U2SURP: variants seen among roughly 807,000 people sequenced by gnomAD.
The protein encoded by U2SURP is U2 snRNP associated SURP domain containing.
In U2SURP, 9 loss-of-function variants were observed where a neutral mutation model predicts 144.9. The observed-to-expected ratio is 0.06, with a 90% CI of 0.04 to 0.11. U2SURP has a LOEUF of 0.11. Among genes scored for constraint, U2SURP ranks in the 10% least tolerant of loss-of-function variants. The probability of loss-of-function intolerance (pLI) is 1.00; values close to 1 mark genes in which losing one functional copy is unlikely to be tolerated. For missense variants in U2SURP, 724 were observed against 1,226.7 expected (o/e 0.59, Z 6.12); for synonymous variants, 408 against 396.8 (o/e 1.03, Z -0.33).
chr3:143,056,468 C>T lies in U2SURP; in HGVS notation c.*18C>T. Reference sequence around the variant, plus strand: ...AACACTGACGTAAATTTTTAAGATGCTGTCACTTATTGGAAATGCGATTTG... The same window carrying T: ...AACACTGACGTAAATTTTTAAGATGTTGTCACTTATTGGAAATGCGATTTG... On this transcript the variant is annotated 3_prime_UTR_variant, in exon 28 of 28. Transcript: ENST00000473835. 1 of 1,609,358 alleles carries T rather than the reference C, an allele frequency of 6.2e-7. No homozygotes were observed. Among genetic ancestry groups the T allele is most frequent in the East Asian group, 2.2e-5 (1 of 44,818 alleles).
At chr3:143,047,813 C>T (rs1345661755) in intron 24 of U2SURP, among the ~76,000 whole-genome samples, 1 of 105,604 alleles carries the variant, frequency 9.5e-6, no homozygotes, top group African/African-American at 3.6e-5. Flanking sequence ...TCCTCACTTC[C>T]CAGTAGGGGC....
At chr3:143,043,610 T>C (rs370824070) in intron 24 of U2SURP, among the ~76,000 whole-genome samples, 4 of 152,286 alleles carry the variant, frequency 2.6e-5, no homozygotes, top group African/African-American at 2.4e-5. Context: ...GGCTGCACTT[T>C]CCATGAAGGG....
intron 5 of U2SURP, 45 bp downstream of exon 5, chr3:143,016,416 C>T: frequency 2.6e-6 from 4 of 1,536,952 alleles, no homozygotes; most frequent in Non-Finnish European, 3.6e-6. Flanking sequence ...AACTGTATTA[C>T]AGTTTTTGAG....
chr3:143,004,399 T>C (rs1935715396), intron 1 of U2SURP, among the ~76,000 whole-genome samples: 1 of 133,634 alleles, frequency 7.5e-6, no homozygotes, highest in African/African-American at 2.9e-5. Flanking sequence ...AGTCTTGCCT[T>C]GTCGCCCAGG....
In U2SURP at chr3:143,012,300, A is replaced by T; in HGVS notation, c.169A>T (p.Asn57Tyr). 1 of 1,613,370 alleles carries T rather than the reference A, an allele frequency of 6.2e-7. No homozygotes were observed. Among genetic ancestry groups the T allele is most frequent in the Non-Finnish European group, 8.5e-7 (1 of 1,179,508 alleles). ...PKSPRKHNYR[N>Y]ESARESLCDS... ...GAGCCCAAGAAAACATAATTATAGGAATGAAAGTGCCCGTGAAAGCCTTTG... is the reference window on the plus strand; with the variant it reads ...GAGCCCAAGAAAACATAATTATAGGTATGAAAGTGCCCGTGAAAGCCTTTG... The change falls in exon 3 of 28, where the codon AAT becomes TAT. Residue 57 changes from asparagine to tyrosine, a missense_variant. Physicochemically the swap from Asn to Tyr is moderately radical, Grantham distance 143. Transcript: ENST00000473835.
intron 24 of U2SURP, among the ~76,000 whole-genome samples, chr3:143,045,100 G>T (rs569157283): frequency 6.6e-6 from 1 of 152,306 alleles, no homozygotes; most frequent in Admixed American, 6.5e-5. Flanking sequence ...GCCAGCTGCG[G>T]TGGCTCATGC....
At chr3:143,010,547 A>G (rs1936071026) in intron 1 of U2SURP, among the ~76,000 whole-genome samples, 2 of 152,232 alleles carry the variant, frequency 1.3e-5, no homozygotes, top group African/African-American at 2.4e-5. Flanking sequence ...TCCAGTGTAT[A>G]CTATAAAGAG....
At chr3:143,054,703 A>G (rs1485292044) in intron 26 of U2SURP, among the ~76,000 whole-genome samples, 25 of 152,230 alleles carry the variant, frequency 1.6e-4, no homozygotes, top group Non-Finnish European at 1.5e-5. Context: ...AGTTGTTTCA[A>G]TAACCTCTTA....
Position 143,016,739 on chromosome 3 carries a change from CT to C in U2SURP, c.437-101del, listed in dbSNP as rs1373987381. 3.9e-6 allele frequency: 4 copies of C among 1,032,258 alleles called. No individual in the cohort carries two copies. The African/African-American group carries it at 6.7e-5, about 17-fold the overall frequency. 63.9% of individuals were successfully genotyped at this position (1,032,258 alleles called of 1,614,324 possible). On this transcript the variant is annotated intron_variant, in intron 5 of 27. Transcript: ENST00000473835. ...TTCATATTTGTTAATAGTGATACAT[CT>C]TAATACTAAAAGCATTTTACTAATT...
chr3:143,017,214 ATATATTGCAAGTCAAAAATTGAC>A lies in U2SURP; in HGVS notation c.570+269_570+291del, dbSNP rs1470246327. The A allele has an allele frequency of 6.0e-4, 207 of 345,260 alleles. 1 individual carries two copies. The highest frequency in any genetic ancestry group is 7.2e-4 in the African/African-American group (34 of 47,168). The allele number at this position is 345,260 out of a possible 1,614,324, so 21.4% of individuals were successfully genotyped here. On this transcript the variant is annotated intron_variant, in intron 6 of 27. Transcript: ENST00000473835. ...TGAACATTTGCTATTTATGCTCATA[ATATATTGCAAGTCAAAAATTGAC>A]TATATTGCAAGTCAAAAATTGACTA... is the stretch of plus-strand genomic sequence containing the variant.
intron 23 of U2SURP, among the ~76,000 whole-genome samples, chr3:143,041,913 C>A (rs763447993): frequency 5.3e-5 from 8 of 151,762 alleles, no homozygotes; most frequent in Non-Finnish European, 1.2e-4. Context: ...TATAAACATT[C>A]TGAGTTTGTT....
chr3:143,049,265 C>CAAAAA (rs200930787), intron 24 of U2SURP, among the ~76,000 whole-genome samples: 13 of 81,520 alleles, frequency 1.6e-4, no homozygotes, highest in South Asian at 4.2e-4. Flanking sequence ...GACTCCATCT[C>CAAAAA]AAAAAAAAAA....
At chr3:143,051,336 C>CACATTTTGTGACAGTGAGACGCCAACA (rs1934842072) in intron 25 of U2SURP, among the ~76,000 whole-genome samples, 1 of 152,114 alleles carries the variant, frequency 6.6e-6, no homozygotes, top group Non-Finnish European at 1.5e-5. Context: ...CAGGACAAGT[C>CACATTTTGTGACAGTGAGACGCCAACA]ACATTTTGTG....
chr3:143,021,701 G>A (rs1936644951), intron 10 of U2SURP, 146 bp downstream of exon 10: 5 of 731,062 alleles, frequency 6.8e-6, no homozygotes, highest in Non-Finnish European at 1.1e-5. Flanking sequence ...TATGGCCCAG[G>A]TTGTCTTGCC....
intron 23 of U2SURP, among the ~76,000 whole-genome samples, chr3:143,042,166 G>T (rs984118070): frequency 6.6e-6 from 1 of 152,068 alleles, no homozygotes; most frequent in Non-Finnish European, 1.5e-5. Context: ...TGTATCCTAA[G>T]TGACTTACTC....
intron 16 of U2SURP, among the ~76,000 whole-genome samples, chr3:143,030,864 A>G (rs1294153280): frequency 6.6e-6 from 1 of 152,174 alleles, no homozygotes; most frequent in Non-Finnish European, 1.5e-5. Context: ...TGAGCAATAT[A>G]GTGAGACCCC....
intron 20 of U2SURP, chr3:143,036,962 A>C (rs1251556547): frequency 2.0e-6 from 1 of 510,652 alleles, no homozygotes; most frequent in Non-Finnish European, 3.4e-6. Flanking sequence ...TCATTGCCTC[A>C]CAAGGTACCT....
rs1368580160 is a variant in U2SURP, at chr3:143,032,815, G to A, written c.1642G>A (p.Gly548Arg). ...GGATAAATTGGAAGAAATCTTGCGG[G>A]GATTAACTCCAAGGAAAAATGATAT... ...QRDKLEEILR[G>R]LTPRKNDIGD... The change falls in exon 17 of 28, where the codon GGA becomes AGA. Residue 548 changes from glycine to arginine, a missense_variant. Transcript: ENST00000473835. 6.2e-7 allele frequency: 1 copy of A among 1,612,834 alleles called. No homozygotes were observed.
intron 12 of U2SURP, 104 bp downstream of exon 12, chr3:143,023,168 T>C: frequency 9.5e-7 from 1 of 1,048,466 alleles, no homozygotes; most frequent in Non-Finnish European, 1.3e-6. Context: ...TGTAATTCTG[T>C]TTGGCAACTT....
Sources: allele counts gnomAD v4.1 joint callset (sites outside exome capture counted in the v4.1 genomes callset), GRCh38; gene constraint gnomAD v4.1.1; transcripts MANE v1.5; gene names NCBI Gene and HGNC (gene_info 2026-07-23, HGNC 2026-07-21).